Variants in NOP56 observed in about 807,000 individuals in gnomAD.
NOP56 encodes the protein NOP56 ribonucleoprotein, also known as nucleolar protein 56.
In NOP56, 31 loss-of-function variants were observed where a neutral mutation model predicts 58.3. The ratio of observed to expected loss-of-function variants is 0.53; its 90% CI spans 0.40 to 0.72. The LOEUF is 0.72. Ranked by LOEUF, NOP56 falls within the 30% of genes least tolerant of loss-of-function variation. The probability of loss-of-function intolerance (pLI) is 0.00; values close to 1 mark genes in which losing one functional copy is unlikely to be tolerated. For missense variants in NOP56, 669 were observed against 739.9 expected (o/e 0.90, Z 1.11); for synonymous variants, 313 against 282.8 (o/e 1.11, Z -1.07).
Position 2,653,271 on chromosome 20 carries a change from C to T in NOP56, c.94-8C>T, listed in dbSNP as rs752982973. Reference sequence around the variant, plus strand: ...GAAGGAAACCACTTAGCCTCTTTCTCCCCCCAGGTGGAGGAGTCTGTGCTC... The same window carrying T: ...GAAGGAAACCACTTAGCCTCTTTCTTCCCCCAGGTGGAGGAGTCTGTGCTC... On this transcript the variant is annotated splice_polypyrimidine_tract_variant and splice_region_variant and intron_variant, in intron 2 of 11. Coordinates refer to ENST00000329276, the MANE Select transcript of NOP56 (RefSeq NM_006392.4). The T allele has an allele frequency of 6.2e-7, 1 of 1,605,948 alleles. No individual in the cohort carries two copies. The highest frequency in any genetic ancestry group is 8.5e-7 in the Non-Finnish European group (1 of 1,172,596).
In NOP56 at chr20:2,657,202, C is replaced by T; in HGVS notation, c.1403C>T (p.Thr468Ile). Residue 468 changes from threonine (T) to isoleucine (I), a missense_variant, in exon 11 of 12, where the codon ACT becomes ATT. This residue lies in a region of NOP56 where 209 missense variants were observed against 196.2 expected (regional missense o/e 1.07). Coordinates refer to ENST00000329276, the MANE Select transcript of NOP56 (RefSeq NM_006392.4). The part of the protein sequence containing the change: ...ALASSENSSS[T>I]PEECEEMSEK... Reference sequence around the variant, plus strand: ...GCGTCTTCAGAAAACAGCAGTAGTACTCCAGAGGAGTGTGAGGTCAGTAGG... The same window carrying T: ...GCGTCTTCAGAAAACAGCAGTAGTATTCCAGAGGAGTGTGAGGTCAGTAGG... 3 of 1,614,180 alleles carry T rather than the reference C, an allele frequency of 1.9e-6. No individual in the cohort carries two copies. The highest frequency in any genetic ancestry group is 2.5e-6 in the Non-Finnish European group (3 of 1,180,044).
rs1388528730 is a variant in NOP56 at position 2,655,392 on chromosome 20, C to T, written c.637C>T (p.Leu213Phe). The stretch of plus-strand genomic sequence containing the variant: ...CAACGACAATGCCACATACTGCCGT[C>T]TTGCCCAGTTTATTGGAAACCGAAG... ...IINDNATYCR[L>F]AQFIGNRREL... The change falls in exon 6 of 12, where the codon CTT becomes TTT. Residue 213 changes from leucine (L) to phenylalanine (F), a missense_variant. Around this residue, in one of 3 missense-constraint regions of NOP56, gnomAD observed 339 missense variants for 430.5 expected, o/e 0.79. Coordinates refer to ENST00000329276, the MANE Select transcript of NOP56 (RefSeq NM_006392.4). 1.2e-6 allele frequency: 2 copies of T among 1,614,056 alleles called. No individual in the cohort carries two copies. The highest frequency in any genetic ancestry group is 1.7e-6 in the Non-Finnish European group (2 of 1,180,040).
At position 2,654,737 on chromosome 20, in the gene NOP56, C is replaced by T; in HGVS notation, c.371-12C>T. ...GAGCCCCTTGTTGCTCACCGTCTTG[C>T]CCTCTTCTTAGGAGTTCGTCTGCAC... On this transcript the variant is annotated splice_polypyrimidine_tract_variant and intron_variant, in intron 4 of 11. Transcript: ENST00000329276. 1 of 1,613,280 alleles carries T rather than the reference C, an allele frequency of 6.2e-7. No individual in the cohort carries two copies. Among genetic ancestry groups the T allele is most frequent in the Non-Finnish European group, 8.5e-7 (1 of 1,179,956 alleles).
At position 2,656,039 on chromosome 20, in the gene NOP56, C is replaced by T. The variant is rs1159030455; in HGVS notation, c.1010+5C>T. ...GGCTGAAAAGGCCCTGTTCAGGTAC[C>T]AGTGAGGGCACCTGCCCACAATCAG... On this transcript the variant is annotated splice_donor_5th_base_variant and intron_variant, in intron 8 of 11. Coordinates refer to ENST00000329276, the MANE Select transcript of NOP56 (RefSeq NM_006392.4). 3.7e-6 allele frequency: 6 copies of T among 1,613,994 alleles called. No individual in the cohort carries two copies. The highest frequency in any genetic ancestry group is 1.3e-5 in the African/African-American group (1 of 74,934).
chr20:2,652,720 C>T lies in NOP56; in HGVS notation c.3+57C>T, dbSNP rs372066491. 49 of 1,396,094 alleles carry T rather than the reference C, an allele frequency of 3.5e-5. No individual in the cohort carries two copies. In the South Asian group the frequency reaches 5.7e-4, roughly 16 times the overall value. 86.5% of individuals were successfully genotyped at this position (1,396,094 alleles called of 1,614,324 possible). A position where few individuals can be genotyped will look rare whatever the true frequency, so the allele number is the denominator to read the frequency against. On this transcript the variant is annotated intron_variant, in intron 1 of 11. Transcript: ENST00000329276. ...GACGGTGGGGGTTTCGGCCTGCGTT[C>T]GGGCCGCAGACAGGGCCTGGGCCTG...
In NOP56 at chr20:2,656,834, TCTA is replaced by T; in HGVS notation, c.1221_1223del (p.Tyr408del). ...GAACAAGTTGAAGAGCGACTGTCCTTCTATGAGACTGGAGAGATACCACGAAAG... is the reference window on the plus strand; with the variant it reads ...GAACAAGTTGAAGAGCGACTGTCCTTTGAGACTGGAGAGATACCACGAAAG... On this transcript the variant is annotated inframe_deletion, in exon 10 of 12. Transcript: ENST00000329276. 1 of 1,614,030 alleles carries T rather than the reference TCTA, an allele frequency of 6.2e-7. No homozygotes were observed.
chr20:2,657,426 A>T (rs1198678306), intron 11 of NOP56: 1 of 778,662 alleles, frequency 1.3e-6, no homozygotes, highest in Non-Finnish European at 2.2e-6. Flanking sequence ...GTTGTAGCTC[A>T]CACCCGTTCC....
Position 2,654,442 on chromosome 20 carries a change from C to T in NOP56, c.237C>T (p.Leu79=). The part of the protein sequence containing the change: ...EGVVHEDLRL[L]LETHLPSKKK... ...TTGTTCATGAGGACCTCCGCCTGCT[C>T]TTGGAGACCCACCTGCCGTCCAAAA... Residue 79 remains leucine, a synonymous_variant, in exon 4 of 12, where the codon CTC becomes CTT. Coordinates refer to ENST00000329276, the MANE Select transcript of NOP56 (RefSeq NM_006392.4). The T allele has an allele frequency of 6.2e-7, 1 of 1,614,128 alleles. No homozygotes were observed. Among genetic ancestry groups the T allele is most frequent in the African/African-American group, 1.3e-5 (1 of 75,016 alleles).
chr20:2,656,677 G>A, intron 9 of NOP56, 97 bp from the exon 10 acceptor site: 4 of 1,609,854 alleles, frequency 2.5e-6, no homozygotes, highest in Non-Finnish European at 3.4e-6. Context: ...TGAGTGTTGA[G>A]ACTCTGGGTC....
chr20:2,656,803 C>A lies in NOP56; in HGVS notation c.1189C>A (p.Leu397Ile). Reference protein sequence around the residue: ...EVPTSVFGEKLREQVEERLSF... With the variant: ...EVPTSVFGEKIREQVEERLSF... The stretch of plus-strand genomic sequence containing the variant: ...GCCCACGAGTGTATTCGGGGAGAAG[C>A]TTCGAGAACAAGTTGAAGAGCGACT... Residue 397 changes from leucine (L) to isoleucine (I), a missense_variant, in exon 10 of 12, where the codon CTT (leucine) becomes ATT (isoleucine). Around this residue, in one of 3 missense-constraint regions of NOP56, gnomAD observed 339 missense variants for 430.5 expected, o/e 0.79. Transcript: ENST00000329276. 1.9e-6 allele frequency: 3 copies of A among 1,614,126 alleles called. No homozygotes were observed. Among genetic ancestry groups the A allele is most frequent in the Non-Finnish European group, 2.5e-6 (3 of 1,180,028 alleles).
At chr20:2,654,323 CGTGCTCGG>C in intron 3 of NOP56, 83 bp from the exon 4 acceptor site, 3 of 1,359,600 alleles carry the variant, frequency 2.2e-6, no homozygotes, top group Non-Finnish European at 2.1e-6. Flanking sequence ...GCCATCCCAG[CGTGCTCGG>C]TGGGACCAGG....
At chr20:2,654,241 T>C (rs1274454567) in intron 3 of NOP56, 173 bp from the exon 4 acceptor site, 1 of 795,076 alleles carries the variant, frequency 1.3e-6, no homozygotes, top group Non-Finnish European at 2.2e-6. Flanking sequence ...ATCAAATCTG[T>C]CAATCCCCTG....
At chr20:2,652,952 C>T in intron 2 of NOP56, 21 bp downstream of exon 2, 2 of 1,566,050 alleles carry the variant, frequency 1.3e-6, no homozygotes, top group Non-Finnish European at 1.7e-6. Flanking sequence ...TCCGTGGGCT[C>T]CTTTGGCGGC....
chr20:2,653,221 C>A, intron 2 of NOP56, 58 bp from the exon 3 acceptor site: 1 of 1,384,206 alleles, frequency 7.2e-7, no homozygotes, highest in Non-Finnish European at 1.0e-6. Flanking sequence ...CGCTGCTTGA[C>A]TGCGCCGCAG....
At chr20:2,653,487 C>A in intron 3 of NOP56, 94 bp downstream of exon 3, 1 of 987,684 alleles carries the variant, frequency 1.0e-6, no homozygotes, top group Non-Finnish European at 1.6e-6. Context: ...CCTTGGCTGG[C>A]TCTGAGTCTG....
At position 2,657,100 on chromosome 20, in the gene NOP56, A is replaced by G; in HGVS notation, c.1301A>G (p.Glu434Gly). ...AMVQAEEAAA[E>G]ITRKLEKQEK... The stretch of plus-strand genomic sequence containing the variant: ...GACCAGGCAGAGGAAGCGGCTGCTG[A>G]GATTACTAGGAAGCTGGAGAAACAG... The change falls in exon 11 of 12, where the codon GAG becomes GGG. Residue 434 changes from glutamate to glycine, a missense_variant. Glu to Gly is a moderately conservative substitution (Grantham distance 98). This residue lies in a region of NOP56 where 209 missense variants were observed against 196.2 expected (regional missense o/e 1.07). Transcript: ENST00000329276. 1 of 1,614,122 alleles carries G rather than the reference A, an allele frequency of 6.2e-7. No homozygotes were observed. Among genetic ancestry groups the G allele is most frequent in the Non-Finnish European group, 8.5e-7 (1 of 1,180,024 alleles).
At chr20:2,656,074 C>A (rs757826338) in intron 8 of NOP56, 40 bp downstream of exon 8, 1 of 1,613,964 alleles carries the variant, frequency 6.2e-7, no homozygotes, top group East Asian at 2.2e-5. Flanking sequence ...GGTGCCACTT[C>A]TGGTGCCCAC....
intron 1 of NOP56, 39 bp from the exon 2 acceptor site, chr20:2,652,803 G>T: frequency 6.3e-7 from 1 of 1,586,538 alleles, no homozygotes; most frequent in Middle Eastern, 1.8e-4. Context: ...GGCAGACGCT[G>T]AGGTTGCGTT....
At chr20:2,657,397 T>A (rs767892600) in intron 11 of NOP56, 179 bp downstream of exon 11, 7 of 934,044 alleles carry the variant, frequency 7.5e-6, no homozygotes, top group Admixed American at 2.0e-5. Context: ...CTGAACTTGC[T>A]CAAGAGCCCA....
Sources: allele counts gnomAD v4.1 joint callset, GRCh38; gene constraint gnomAD v4.1.1; regional missense constraint gnomAD v4.1.1; transcripts MANE v1.5; gene names NCBI Gene and HGNC (gene_info 2026-07-23, HGNC 2026-07-21).